The following WBP2NL variants were observed in gnomAD, a reference collection of about 807,000 sequenced individuals.
The protein encoded by WBP2NL is postacrosomal sheath WW domain-binding protein.
In WBP2NL, 27 loss-of-function variants were observed where a neutral mutation model predicts 23.3. The observed-to-expected ratio is 1.16, with a 90% confidence interval of 0.85 to 1.60. The LOEUF is 1.60. Among genes scored for constraint, WBP2NL ranks in the 40% most tolerant of loss-of-function variants. WBP2NL has a pLI of 0.00. For synonymous variants in WBP2NL, 151 were observed against 145.9 expected (o/e 1.03, Z -0.25); for missense variants, 370 against 389.5 (o/e 0.95, Z 0.42).
chr22:42,022,205 A>C (rs1406659475), intron 4 of WBP2NL, 44 bp from the exon 5 acceptor site: 1 of 1,472,998 alleles, frequency 6.8e-7, no homozygotes, highest in African/African-American at 1.4e-5. Context: ...TATATATCTG[A>C]CTTAATTAAA....
At chr22:42,009,826 G>A (rs745718364) in intron 1 of WBP2NL, among the ~76,000 whole-genome samples, 3 of 152,030 alleles carry the variant, frequency 2.0e-5, no homozygotes, top group Non-Finnish European at 2.9e-5. Flanking sequence ...TTATGATGTC[G>A]CTTTCTGTTT....
At chr22:41,998,970 C>T (rs1921236362) in intron 1 of WBP2NL, 90 bp downstream of exon 1, 2 of 1,436,346 alleles carry the variant, frequency 1.4e-6, no homozygotes, top group African/African-American at 1.4e-5. Context: ...GAGTCAGGGA[C>T]TTTGCCGCCT....
At chr22:42,023,709 A>C (rs1427019641) in intron 5 of WBP2NL, among the ~76,000 whole-genome samples, 2 of 151,006 alleles carry the variant, frequency 1.3e-5, no homozygotes, top group East Asian at 3.9e-4. Flanking sequence ...GTTAGCCAGG[A>C]TGGTCTCGAT....
chr22:42,034,283 C>T (rs142730371), downstream of WBP2NL, among the ~76,000 whole-genome samples: 20 of 152,262 alleles, frequency 1.3e-4, no homozygotes, highest in Non-Finnish European at 2.1e-4. Flanking sequence ...TCCTAAGCGT[C>T]GGCTGACTTG....
intron 8 of WBP2NL, among the ~76,000 whole-genome samples, chr22:42,040,713 A>T (rs1717888165): frequency 6.6e-6 from 1 of 151,876 alleles, no homozygotes; most frequent in Non-Finnish European, 1.5e-5. Context: ...GAATTTGTGA[A>T]TTTTTCTATT....
Position 42,022,362 on chromosome 22 carries a change from G to A in WBP2NL, c.514+6G>A, listed in dbSNP as rs959973751. ...TCCACAGATGCCTTGTTCAGGTAAGGTATGGCAGAGAGGTTCTTCCTGGAA... is the reference window on the plus strand; with the variant it reads ...TCCACAGATGCCTTGTTCAGGTAAGATATGGCAGAGAGGTTCTTCCTGGAA... On this transcript the variant is annotated splice_donor_region_variant and intron_variant, in intron 5 of 5. Transcript: ENST00000328823. 3 of 1,601,494 alleles carry A rather than the reference G, an allele frequency of 1.9e-6. No individual in the cohort carries two copies. Among genetic ancestry groups the A allele is most frequent in the Non-Finnish European group, 1.7e-6 (2 of 1,174,214 alleles).
intron 1 of WBP2NL, among the ~76,000 whole-genome samples, chr22:42,010,407 G>A (rs1922694455): frequency 6.6e-6 from 1 of 152,214 alleles, no homozygotes. Context: ...GAAGCTTTCA[G>A]TCTTTTGCCA....
intron 8 of WBP2NL, among the ~76,000 whole-genome samples, chr22:42,048,312 C>A (rs1179348214): frequency 1.4e-5 from 2 of 147,972 alleles, no homozygotes; most frequent in Non-Finnish European, 2.9e-5. Context: ...CCCAGCTACT[C>A]GGGAGGCAGA....
At chr22:42,023,737 C>T (rs889148990) in intron 5 of WBP2NL, among the ~76,000 whole-genome samples, 12 of 151,404 alleles carry the variant, frequency 7.9e-5, no homozygotes, top group Admixed American at 3.9e-4. Context: ...CCTTGTGATC[C>T]GCCCGCCTCA....
intron 8 of WBP2NL, among the ~76,000 whole-genome samples, chr22:42,039,370 T>C (rs1468774676): frequency 2.0e-5 from 3 of 149,646 alleles, no homozygotes; most frequent in African/African-American, 7.5e-5. Flanking sequence ...TTTTTTTTTT[T>C]CCAGTATCAG....
intron 1 of WBP2NL, chr22:42,001,663 A>G: frequency 8.7e-7 from 1 of 1,145,892 alleles, no homozygotes; most frequent in Non-Finnish European, 1.3e-6. Context: ...TCTTGTCCAC[A>G]CCATCCAGGA....
intron 8 of WBP2NL, among the ~76,000 whole-genome samples, chr22:42,056,480 T>G (rs189705487): frequency 4.7e-4 from 72 of 152,330 alleles, no homozygotes; most frequent in East Asian, 3.8e-4. Flanking sequence ...TGCTCTTTAT[T>G]TCTCCATGTG....
downstream of WBP2NL, among the ~76,000 whole-genome samples, chr22:42,034,577 C>G (rs1925109714): frequency 6.6e-6 from 1 of 152,196 alleles, no homozygotes; most frequent in Non-Finnish European, 1.5e-5. Context: ...TATCAGGAGA[C>G]AGGGTTTTGA....
At chr22:42,009,545 T>C (rs1032218183) in intron 1 of WBP2NL, among the ~76,000 whole-genome samples, 3 of 152,260 alleles carry the variant, frequency 2.0e-5, no homozygotes, top group African/African-American at 7.2e-5. Flanking sequence ...TCCAGTTTTC[T>C]AAAAGGACAT....
chr22:42,021,332 A>G (rs940479358), intron 4 of WBP2NL, among the ~76,000 whole-genome samples: 8 of 152,202 alleles, frequency 5.3e-5, no homozygotes, highest in African/African-American at 1.9e-4. Flanking sequence ...GAAACTGTCT[A>G]CATTACATCT....
chr22:42,022,237 T>C lies in WBP2NL; in HGVS notation c.407-12T>C, dbSNP rs750269276. 3.1e-6 allele frequency: 5 copies of C among 1,613,720 alleles called. No homozygotes were observed. Among genetic ancestry groups the C allele is most frequent in the Non-Finnish European group, 4.2e-6 (5 of 1,179,692 alleles). ...TAAAAGAGTTCCTATTTTGCCAAAT[T>C]TGTCTTTCCAGCTGCCCGAGGATTT... On this transcript the variant is annotated splice_polypyrimidine_tract_variant and intron_variant, in intron 4 of 5. Coordinates refer to ENST00000328823, the MANE Select transcript of WBP2NL (RefSeq NM_152613.3).
chr22:42,027,960 A>C lies in WBP2NL; in HGVS notation c.*779A>C. 2.5e-6 allele frequency: 1 copy of C among 398,488 alleles called. No homozygotes were observed. The highest frequency in any genetic ancestry group is 4.4e-6 in the Non-Finnish European group (1 of 225,990). The allele number at this position is 398,488 out of a possible 1,614,324, so 24.7% of individuals were successfully genotyped here. A position where few individuals can be genotyped will look rare whatever the true frequency, so the allele number is the denominator to read the frequency against. On this transcript the variant is annotated 3_prime_UTR_variant, in exon 6 of 6. Coordinates refer to ENST00000328823, the MANE Select transcript of WBP2NL (RefSeq NM_152613.3). ...GTTCAGCTTGACTAGTGTTAGGGAA[A>C]TGCAACCTGAGATGAGAAAACATTT...
chr22:42,040,434 G>T (rs1925360957), intron 8 of WBP2NL, among the ~76,000 whole-genome samples: 1 of 152,088 alleles, frequency 6.6e-6, no homozygotes, highest in South Asian at 2.1e-4. Flanking sequence ...TGTTCGCCAG[G>T]CTAGTCTTGA....
downstream of WBP2NL, chr22:42,032,660 C>T (rs181319491): frequency 1.6e-4 from 66 of 409,022 alleles, no homozygotes; most frequent in Admixed American, 1.7e-3. Context: ...GGAAGTGAAA[C>T]GTATGATATT....
Sources: gnomAD v4.1 joint callset for allele counts (sites outside exome capture counted in the v4.1 genomes callset) on GRCh38, gnomAD v4.1.1 for gene constraint, MANE v1.5 for transcripts, NCBI Gene and HGNC (gene_info 2026-07-23, HGNC 2026-07-21) for gene names.